Variants in TMPRSS15 observed in about 807,000 individuals in gnomAD.
TMPRSS15 encodes the protein transmembrane serine protease 15, also known as enteropeptidase.
Under a neutral mutation model 125.3 loss-of-function variants are expected in TMPRSS15, and 128 were observed. The ratio of observed to expected loss-of-function variants is 1.02; its 90% CI spans 0.89 to 1.18. The LOEUF is 1.18. Ranked by LOEUF, TMPRSS15 falls within the 50% of genes most tolerant of loss-of-function variation. The pLI is 0.00. For missense variants in TMPRSS15, 1,283 were observed against 1,212.7 expected, an observed-to-expected ratio of 1.06 and a Z score of -0.86; for synonymous variants, 446 against 423.2, an observed-to-expected ratio of 1.05 and a Z score of -0.66.
At chr21:18,343,387 T>C (rs2075468877) in intron 12 of TMPRSS15, 119 bp downstream of exon 12, 2 of 941,588 alleles carry the variant, frequency 2.1e-6, no homozygotes, top group Non-Finnish European at 3.2e-6. Context: ...ATTGGGCAAG[T>C]AGAGAAAGTG....
chr21:18,396,792 A>AATCTGTCTGTCTGTCTG (rs1408156983), intron 3 of TMPRSS15, among the ~76,000 whole-genome samples: 9 of 112,792 alleles, frequency 8.0e-5, no homozygotes, highest in African/African-American at 3.1e-4. Flanking sequence ...AAAAAAAAAA[A>AATCTGTCTGTCTGTCTG]TCTGTCTGTC....
In TMPRSS15 at chr21:18,341,409, T is replaced by C; in HGVS notation, c.1564+4A>G. The C allele has an allele frequency of 6.2e-7, 1 of 1,614,094 alleles. No individual in the cohort carries two copies. The highest frequency in any genetic ancestry group is 8.5e-7 in the Non-Finnish European group (1 of 1,179,990). ...AAGACAAAATACACATGAAGGTTACTTACTAGGAAGTTCTGGTGGAGGAGT... is the reference window on the plus strand; with the variant it reads ...AAGACAAAATACACATGAAGGTTACCTACTAGGAAGTTCTGGTGGAGGAGT... On this transcript the variant is annotated splice_donor_region_variant and intron_variant, in intron 13 of 24. Transcript: ENST00000284885.
intron 1 of TMPRSS15, among the ~76,000 whole-genome samples, chr21:18,452,492 T>C (rs1478726375): frequency 1.3e-5 from 2 of 152,056 alleles, no homozygotes; most frequent in African/African-American, 4.8e-5. Context: ...GGCGAAACCA[T>C]GTCTCTACAA....
chr21:18,439,729 GA>G lies in TMPRSS15; in HGVS notation c.11-41401del, dbSNP rs910981202. Among the ~76,000 whole-genome samples the G allele has an allele frequency of 4.4e-4, 67 of 151,596 alleles. 1 individual carries two copies. Among genetic ancestry groups the G allele is most frequent in the African/African-American group, 1.4e-3 (59 of 41,404 alleles). On this transcript the variant is annotated intron_variant, in intron 1 of 7. Coordinates refer to the TMPRSS15 transcript ENST00000422787. The stretch of plus-strand genomic sequence containing the variant: ...ATAAATTAAATTGGATTTATGGATG[GA>G]AAAAAAAGAGACTAGTTAGATTTAG...
At chr21:18,371,574 T>C (rs564531344) in intron 6 of TMPRSS15, among the ~76,000 whole-genome samples, 1 of 152,174 alleles carries the variant, frequency 6.6e-6, no homozygotes, top group Non-Finnish European at 1.5e-5. Context: ...AATAATGTTA[T>C]TGTCATTAAC....
chr21:18,360,713 G>A (rs1485415856), intron 7 of TMPRSS15, among the ~76,000 whole-genome samples: 1 of 152,042 alleles, frequency 6.6e-6, no homozygotes, highest in Non-Finnish European at 1.5e-5. Flanking sequence ...AAATCAGGAA[G>A]TGTGAGACCC....
intron 10 of TMPRSS15, 140 bp from the exon 11 acceptor site, chr21:18,344,200 A>C: frequency 1.4e-6 from 1 of 735,902 alleles, no homozygotes; most frequent in Non-Finnish European, 2.3e-6. Context: ...ACAGGACACT[A>C]GACTCGAGCT....
chr21:18,436,150 T>C (rs2123221786), intron 1 of TMPRSS15, among the ~76,000 whole-genome samples: 2 of 151,666 alleles, frequency 1.3e-5, no homozygotes, highest in South Asian at 4.2e-4. Flanking sequence ...GCTCTGATTT[T>C]AGTTATTTCT....
chr21:18,325,809 TA>T (rs2075282837), intron 16 of TMPRSS15, among the ~76,000 whole-genome samples: 1 of 152,078 alleles, frequency 6.6e-6, no homozygotes, highest in African/African-American at 2.4e-5. Flanking sequence ...TGAATATATA[TA>T]TCCATATTCA....
In TMPRSS15 at chr21:18,350,723, A is replaced by C. The variant is rs144665900; in HGVS notation, c.1171+2180T>G. Among the ~76,000 whole-genome samples the C allele has an allele frequency of 2.9e-4, 44 of 152,024 alleles. No individual in the cohort carries two copies. In the East Asian group the frequency reaches 8.5e-3, roughly 29 times the overall value. On this transcript the variant is annotated intron_variant, in intron 10 of 24. Transcript: ENST00000284885. The stretch of plus-strand genomic sequence containing the variant: ...ATATTTTCCCAAAGTACCTATTCAC[A>C]TTTAACACACCAAGGAACAATTAAT...
At chr21:18,402,149 C>T (rs1210258661) in intron 1 of TMPRSS15, among the ~76,000 whole-genome samples, 1 of 152,110 alleles carries the variant, frequency 6.6e-6, no homozygotes, top group African/African-American at 2.4e-5. Context: ...AAAACTATGG[C>T]ATGTGCATTA....
At chr21:18,322,865 G>C (rs940632896) in intron 16 of TMPRSS15, among the ~76,000 whole-genome samples, 2 of 152,118 alleles carry the variant, frequency 1.3e-5, no homozygotes, top group African/African-American at 4.8e-5. Context: ...AAAATAACTA[G>C]AGAAGACAAT....
intron 1 of TMPRSS15, among the ~76,000 whole-genome samples, chr21:18,433,344 C>G (rs2076220365): frequency 6.6e-6 from 1 of 151,980 alleles, no homozygotes. Context: ...AATAAAGGAG[C>G]AGGAAAAACT....
chr21:18,445,701 G>A (rs1165578909), intron 1 of TMPRSS15, among the ~76,000 whole-genome samples: 1 of 152,076 alleles, frequency 6.6e-6, no homozygotes, highest in African/African-American at 2.4e-5. Flanking sequence ...ACAAAATGTA[G>A]AAAATAAGTG....
At chr21:18,365,781 T>G (rs2075730822) in intron 6 of TMPRSS15, among the ~76,000 whole-genome samples, 2 of 148,398 alleles carry the variant, frequency 1.3e-5, no homozygotes, top group Non-Finnish European at 3.0e-5. Flanking sequence ...TTCGCTCTTG[T>G]TGCGTGTGCT....
At chr21:18,335,905 A>G (rs1188165593) in intron 13 of TMPRSS15, among the ~76,000 whole-genome samples, 1 of 151,250 alleles carries the variant, frequency 6.6e-6, no homozygotes, top group Non-Finnish European at 1.5e-5. Flanking sequence ...CCTGTCTGGT[A>G]TAGGGAATTA....
At position 18,326,558 on chromosome 21, in the gene TMPRSS15, G is replaced by A. The variant is rs779734141; in HGVS notation, c.1795C>T (p.Pro599Ser). 3 of 1,614,052 alleles carry A rather than the reference G, an allele frequency of 1.9e-6. No homozygotes were observed. Among genetic ancestry groups the A allele is most frequent in the Non-Finnish European group, 2.5e-6 (3 of 1,179,954 alleles). Reference sequence around the variant, plus strand: ...GAGAACACATCCTTTACTGGGCCAGGCCCTGTGTACACAGCTGTTCCAAAG... The same window carrying A: ...GAGAACACATCCTTTACTGGGCCAGACCCTGTGTACACAGCTGTTCCAAAG... ...DSLLLAVYTG[P>S]GPVKDVFSTT... is the part of the protein sequence containing the mutation. Residue 599 changes from proline (P) to serine (S), a missense_variant, in exon 16 of 25, where the codon CCT becomes TCT. Pro to Ser is a moderately conservative substitution (Grantham distance 74). Coordinates refer to ENST00000284885, the MANE Select transcript of TMPRSS15 (RefSeq NM_002772.3).
intron 5 of TMPRSS15, among the ~76,000 whole-genome samples, chr21:18,372,933 G>A (rs906950916): frequency 6.6e-6 from 1 of 152,114 alleles, no homozygotes; most frequent in Non-Finnish European, 1.5e-5. Flanking sequence ...ATTAACTTGG[G>A]AAGTTTAAGA....
intron 5 of TMPRSS15, among the ~76,000 whole-genome samples, chr21:18,378,860 C>T (rs779910299): frequency 6.6e-6 from 1 of 152,062 alleles, no homozygotes; most frequent in Non-Finnish European, 1.5e-5. Context: ...GAATCCAAGG[C>T]TACTTTGGTT....
Sources: gnomAD v4.1 joint callset for allele counts (sites outside exome capture counted in the v4.1 genomes callset) on GRCh38, gnomAD v4.1.1 for gene constraint, MANE v1.5 for transcripts, NCBI Gene and HGNC (gene_info 2026-07-23, HGNC 2026-07-21) for gene names.